RBFOX1: variants seen among roughly 807,000 people sequenced by gnomAD.
The protein encoded by RBFOX1 is RNA binding protein fox-1 homolog 1.
RBFOX1 carries 8 observed loss-of-function variants against 57.7 expected under a neutral mutation model. The observed-to-expected ratio is 0.14, with a 90% CI of 0.08 to 0.25. The LOEUF (loss-of-function observed/expected upper bound fraction) is 0.25, where lower values mean the gene tolerates loss of function less well. Ranked by LOEUF, RBFOX1 falls within the 10% of genes least tolerant of loss-of-function variation. The pLI is 1.00. For missense variants in RBFOX1, 611 were observed against 548.5 expected, an observed-to-expected ratio of 1.11 and a Z score of -1.14; for synonymous variants, 326 against 222.4, an observed-to-expected ratio of 1.47 and a Z score of -4.15.
At chr16:7,032,591 G>C (rs2043100398) in intron 3 of RBFOX1, among the ~76,000 whole-genome samples, 1 of 115,720 alleles carries the variant, frequency 8.6e-6, no homozygotes, top group East Asian at 4.1e-4. Context: ...CTGTTTGTTT[G>C]TTTGTTTGTT....
At chr16:5,379,994 C>A (rs2066089792) in intron 1 of RBFOX1, among the ~76,000 whole-genome samples, 1 of 152,202 alleles carries the variant, frequency 6.6e-6, no homozygotes, top group Non-Finnish European at 1.5e-5. Flanking sequence ...ACCTGGGAGC[C>A]TGGGCACAGC....
chr16:6,210,337 CAAAAAAA>C (rs2097285640), intron 1 of RBFOX1, among the ~76,000 whole-genome samples: 1 of 9,330 alleles, frequency 1.1e-4, no homozygotes, highest in Non-Finnish European at 2.4e-4. Flanking sequence ...AACAAAAAAA[CAAAAAAA>C]CAAAAAAAAA....
intron 1 of RBFOX1, among the ~76,000 whole-genome samples, chr16:6,119,394 T>C (rs1237317749): frequency 6.6e-6 from 1 of 152,208 alleles, no homozygotes; most frequent in Non-Finnish European, 1.5e-5. Flanking sequence ...CTTTATATCT[T>C]ATTACTAGTG....
rs2059394146 is a variant in RBFOX1 at position 5,946,060 on chromosome 16, G to A, written c.351+78725G>A. On this transcript the variant is annotated intron_variant, in intron 4 of 19. Coordinates refer to the RBFOX1 transcript ENST00000641259. This position sits in a 1 kb window ranked among gnomAD's most constrained non-coding sequence, Gnocchi z 4.6. ...CTGCTTTGTTTGCTAGTAAAGTGAGGGGGAGACAGGGTTTTAATTAGTGGA... is the reference window on the plus strand; with the variant it reads ...CTGCTTTGTTTGCTAGTAAAGTGAGAGGGAGACAGGGTTTTAATTAGTGGA... Among the ~76,000 whole-genome samples, 1 of 152,152 alleles carries A rather than the reference G, an allele frequency of 6.6e-6. No individual in the cohort carries two copies. The highest frequency in any genetic ancestry group is 2.4e-5 in the African/African-American group (1 of 41,428).
intron 4 of RBFOX1, among the ~76,000 whole-genome samples, chr16:7,396,184 C>T (rs1355972509): frequency 6.6e-6 from 1 of 152,114 alleles, no homozygotes; most frequent in Admixed American, 6.5e-5. Context: ...CTTCTTTTCC[C>T]TGGAGTTAGC....
chr16:6,010,489 T>C (rs2094954892), intron 4 of RBFOX1, among the ~76,000 whole-genome samples: 1 of 152,250 alleles, frequency 6.6e-6, no homozygotes, highest in South Asian at 2.1e-4. Context: ...CTCCATTTAC[T>C]TCCCCACTCC....
chr16:5,409,393 A>G (rs1020527560), intron 1 of RBFOX1, among the ~76,000 whole-genome samples: 18 of 152,074 alleles, frequency 1.2e-4, no homozygotes, highest in African/African-American at 4.1e-4. Flanking sequence ...ACCCTTTCTA[A>G]TTTGTTTCTT....
At chr16:6,638,719 A>G (rs1008509799) in intron 2 of RBFOX1, among the ~76,000 whole-genome samples, 2 of 152,198 alleles carry the variant, frequency 1.3e-5, no homozygotes, top group African/African-American at 4.8e-5. Context: ...CCGGAGTACA[A>G]AAAATTGAGA....
At chr16:6,593,102 G>C (rs2153991550) in intron 2 of RBFOX1, among the ~76,000 whole-genome samples, 3 of 152,280 alleles carry the variant, frequency 2.0e-5, no homozygotes, top group African/African-American at 7.2e-5. Context: ...TGAGGCAGGA[G>C]AATCACTTGA....
At chr16:6,986,899 C>G (rs541550031) in intron 3 of RBFOX1, among the ~76,000 whole-genome samples, 1 of 152,140 alleles carries the variant, frequency 6.6e-6, no homozygotes, top group Non-Finnish European at 1.5e-5. Context: ...GCAGAGGGAC[C>G]TGAAAGGTTA....
intron 2 of RBFOX1, 78 bp from the exon 3 acceptor site, chr16:6,654,525 A>C (rs1471981991): frequency 4.3e-6 from 5 of 1,160,936 alleles, no homozygotes; most frequent in East Asian, 5.5e-5. Context: ...CATTTCAACA[A>C]CACCACTGAA....
chr16:6,689,150 C>T (rs1378019031), intron 3 of RBFOX1, among the ~76,000 whole-genome samples: 11 of 152,086 alleles, frequency 7.2e-5, no homozygotes, highest in African/African-American at 2.4e-5. Flanking sequence ...TGGGTATATA[C>T]CCAGTAATGG....
intron 10 of RBFOX1, among the ~76,000 whole-genome samples, chr16:7,619,423 C>G (rs182227543): frequency 1.3e-5 from 2 of 152,214 alleles, no homozygotes; most frequent in Admixed American, 1.3e-4. Flanking sequence ...ACAACTTCAT[C>G]CAATCACTCT....
At chr16:7,585,758 A>G (rs796277534) in intron 6 of RBFOX1, among the ~76,000 whole-genome samples, 64 of 152,182 alleles carry the variant, frequency 4.2e-4, no homozygotes, top group African/African-American at 1.4e-3. Context: ...GAGGATAGCT[A>G]TCTGTATGTT....
chr16:5,605,920 C>T (rs138246829), intron 3 of RBFOX1, among the ~76,000 whole-genome samples: 1 of 152,250 alleles, frequency 6.6e-6, no homozygotes, highest in East Asian at 1.9e-4. Flanking sequence ...TTGTAGCAGC[C>T]ATCATGGAAC....
chr16:7,454,389 T>C (rs1430389097), intron 4 of RBFOX1, among the ~76,000 whole-genome samples: 1 of 151,822 alleles, frequency 6.6e-6, no homozygotes, highest in Non-Finnish European at 1.5e-5. Context: ...AACTGTACCA[T>C]ATCAAAGGCA....
intron 3 of RBFOX1, among the ~76,000 whole-genome samples, chr16:5,769,115 A>G (rs1337318883): frequency 6.6e-6 from 1 of 152,164 alleles, no homozygotes; most frequent in Non-Finnish European, 1.5e-5. Context: ...TATATAGGAT[A>G]TGGAAGAGAG....
chr16:7,131,304 C>G (rs908987953), intron 4 of RBFOX1, among the ~76,000 whole-genome samples: 12 of 148,086 alleles, frequency 8.1e-5, no homozygotes, highest in East Asian at 2.0e-4. Flanking sequence ...CAAGACCACA[C>G]CATTGCACTG....
At chr16:6,913,255 T>C (rs149920601) in intron 3 of RBFOX1, among the ~76,000 whole-genome samples, 10 of 152,184 alleles carry the variant, frequency 6.6e-5, no homozygotes, top group African/African-American at 2.4e-4. Flanking sequence ...TTAACTGTTA[T>C]AAAGTAGCAC....
Sources: gnomAD v4.1 joint callset for allele counts (sites outside exome capture counted in the v4.1 genomes callset) on GRCh38, gnomAD v4.1.1 for gene constraint, Gnocchi (gnomAD v3.1) non-coding constraint, MANE v1.5 for transcripts, NCBI Gene and HGNC (gene_info 2026-07-23, HGNC 2026-07-21) for gene names.